The following SLC4A4 variants were observed in gnomAD, a reference collection of about 807,000 sequenced individuals.
SLC4A4 encodes electrogenic sodium bicarbonate cotransporter 1.
In SLC4A4, 27 loss-of-function variants were observed where a neutral mutation model predicts 111.5. The ratio of observed to expected loss-of-function variants is 0.24; its 90% CI spans 0.18 to 0.33. SLC4A4 has a LOEUF of 0.33. Ranked by LOEUF, SLC4A4 falls within the 10% of genes least tolerant of loss-of-function variation. The probability of loss-of-function intolerance (pLI) is 1.00; values close to 1 mark genes in which losing one functional copy is unlikely to be tolerated. For synonymous variants in SLC4A4, 443 were observed against 463.4 expected, an observed-to-expected ratio of 0.96 and a Z score of 0.57; for missense variants, 909 against 1,315.5, an observed-to-expected ratio of 0.69 and a Z score of 4.78.
At chr4:71,310,712 T>G (rs566604894) in intron 3 of SLC4A4, among the ~76,000 whole-genome samples, 2 of 152,274 alleles carry the variant, frequency 1.3e-5, no homozygotes, top group Admixed American at 1.3e-4. Flanking sequence ...AAATCGGTAC[T>G]AGCCACTGCA....
At chr4:71,335,203 G>A (rs7668295) in intron 3 of SLC4A4, among the ~76,000 whole-genome samples, 203 of 152,142 alleles carry the variant, frequency 1.3e-3, no homozygotes, top group African/African-American at 4.6e-3. Flanking sequence ...GCACATGTAC[G>A]CCTATATCTA....
intron 9 of SLC4A4, 53 bp from the exon 10 acceptor site, chr4:71,450,336 A>G: frequency 7.9e-7 from 1 of 1,258,946 alleles, no homozygotes; most frequent in Non-Finnish European, 1.2e-6. Flanking sequence ...ATATGGTGTG[A>G]AGCATGTACA....
chr4:71,397,426 A>G, intron 6 of SLC4A4, 151 bp from the exon 7 acceptor site: 1 of 733,324 alleles, frequency 1.4e-6, no homozygotes, highest in South Asian at 1.5e-5. Flanking sequence ...TCCAACCTGG[A>G]CTCTGGAAAA....
intron 8 of SLC4A4, among the ~76,000 whole-genome samples, chr4:71,442,699 C>A (rs1021471957): frequency 6.6e-6 from 1 of 152,078 alleles, no homozygotes; most frequent in Non-Finnish European, 1.5e-5. Flanking sequence ...TTGTGTGTAT[C>A]TTTTTATGGT....
intron 1 of SLC4A4, among the ~76,000 whole-genome samples, chr4:71,234,167 C>T (rs540824119): frequency 1.3e-5 from 2 of 152,188 alleles, no homozygotes; most frequent in Non-Finnish European, 2.9e-5. Context: ...TGTGAACCAC[C>T]CTGTGCCAAG....
At chr4:71,340,501 AC>A (rs1447680231) in intron 4 of SLC4A4, among the ~76,000 whole-genome samples, 9 of 152,350 alleles carry the variant, frequency 5.9e-5, no homozygotes, top group African/African-American at 2.2e-4. Flanking sequence ...CAGGAAAAAA[AC>A]ATAGTATACA....
At chr4:71,137,606 T>C (rs759981858) in intron 2 of SLC4A4, among the ~76,000 whole-genome samples, 55 of 152,172 alleles carry the variant, frequency 3.6e-4, no homozygotes, top group Non-Finnish European at 5.9e-4. Context: ...ACTTCATTCT[T>C]CCCTTTGCTT....
At chr4:71,166,875 T>C (rs1744790991) in intron 2 of SLC4A4, among the ~76,000 whole-genome samples, 1 of 152,182 alleles carries the variant, frequency 6.6e-6, no homozygotes, top group Non-Finnish European at 1.5e-5. Flanking sequence ...CTCTAGAATG[T>C]AGGGTTGAAC....
intron 18 of SLC4A4, among the ~76,000 whole-genome samples, chr4:71,543,076 T>G (rs1026306): frequency 2.0e-5 from 3 of 151,984 alleles, no homozygotes; most frequent in Non-Finnish European, 2.9e-5. Context: ...GCTGATGTTG[T>G]GAAGGAGAAG....
intron 18 of SLC4A4, among the ~76,000 whole-genome samples, chr4:71,541,200 G>C (rs1408739404): frequency 6.6e-6 from 1 of 152,126 alleles, no homozygotes; most frequent in Non-Finnish European, 1.5e-5. Context: ...GCAGCGTTTA[G>C]TTTTTCATTC....
chr4:71,221,825 C>T (rs144482390), intron 1 of SLC4A4, among the ~76,000 whole-genome samples: 1 of 152,280 alleles, frequency 6.6e-6, no homozygotes, highest in African/African-American at 2.4e-5. Flanking sequence ...AAGGTCAAGG[C>T]TCTGAACCCT....
chr4:71,185,625 G>A (rs1745427521), upstream of SLC4A4, among the ~76,000 whole-genome samples: 1 of 152,158 alleles, frequency 6.6e-6, no homozygotes, highest in South Asian at 2.1e-4. Flanking sequence ...CATTAACTAA[G>A]GATTTTAAAG....
At chr4:71,455,498 A>G (rs560072505) in intron 12 of SLC4A4, among the ~76,000 whole-genome samples, 1 of 152,294 alleles carries the variant, frequency 6.6e-6, no homozygotes, top group East Asian at 1.9e-4. Context: ...TTCAAGAAAA[A>G]AAATGGAGAA....
At chr4:71,214,955 T>A (rs1718338226) in intron 1 of SLC4A4, among the ~76,000 whole-genome samples, 1 of 152,254 alleles carries the variant, frequency 6.6e-6, no homozygotes, top group Non-Finnish European at 1.5e-5. Flanking sequence ...TGGGTTATGA[T>A]TTTGCTTTTG....
chr4:71,560,206 GAAGAAA>G lies in SLC4A4; in HGVS notation c.3063_3068del (p.Lys1023_Lys1024del), dbSNP rs761247927. 103 of 1,610,644 alleles carry G rather than the reference GAAGAAA, an allele frequency of 6.4e-5. 1 individual carries two copies. In the East Asian group the frequency reaches 1.7e-3, roughly 27 times the overall value. ...AGGACAAGAAAAAGAAGGAGGATGA[GAAGAAA>G]AAGAAAAAGAAGAAGGGAAGTCTGG... On this transcript the variant is annotated inframe_deletion, in exon 23 of 26. Transcript: ENST00000264485.
chr4:71,370,136 A>G (rs955728749), intron 6 of SLC4A4, among the ~76,000 whole-genome samples: 4 of 152,234 alleles, frequency 2.6e-5, no homozygotes, highest in Non-Finnish European at 5.9e-5. Flanking sequence ...AATTTTCTGA[A>G]GAATCTTGTG....
At chr4:71,537,306 T>C (rs190818231) in intron 18 of SLC4A4, among the ~76,000 whole-genome samples, 1 of 20,212 alleles carries the variant, frequency 4.9e-5, no homozygotes, top group Non-Finnish European at 1.7e-4. Flanking sequence ...TATGTATATG[T>C]ATACACATAT....
chr4:71,471,452 G>GGGTA (rs1727860941), intron 13 of SLC4A4, among the ~76,000 whole-genome samples: 1 of 151,876 alleles, frequency 6.6e-6, no homozygotes, highest in Non-Finnish European at 1.5e-5. Flanking sequence ...CCTGTGGGTT[G>GGGTA]GGTAAGATTG....
At chr4:71,375,295 C>G (rs1392746505) in intron 6 of SLC4A4, among the ~76,000 whole-genome samples, 2 of 152,218 alleles carry the variant, frequency 1.3e-5, no homozygotes, top group Non-Finnish European at 2.9e-5. Context: ...GTCTGGCATT[C>G]AAGGCCTAAC....
Sources: gnomAD v4.1 joint callset for allele counts (sites outside exome capture counted in the v4.1 genomes callset) on GRCh38, gnomAD v4.1.1 for gene constraint, MANE v1.5 for transcripts, NCBI Gene and HGNC (gene_info 2026-07-23, HGNC 2026-07-21) for gene names.